The following EHMT2 variants were observed in gnomAD, a reference collection of about 807,000 sequenced individuals.
EHMT2 encodes the protein euchromatic histone lysine methyltransferase 2.
EHMT2 carries 59 observed loss-of-function variants against 143.3 expected under a neutral mutation model. The observed-to-expected ratio is 0.41, with a 90% confidence interval of 0.33 to 0.51. The LOEUF (loss-of-function observed/expected upper bound fraction) is 0.51, where lower values mean the gene tolerates loss of function less well. Ranked by LOEUF, EHMT2 falls within the 20% of genes least tolerant of loss-of-function variation. The pLI is 0.18. For synonymous variants in EHMT2, 604 were observed against 651.5 expected (o/e 0.93, Z 1.11); for missense variants, 1,174 against 1,645.9 (o/e 0.71, Z 4.96).
At chr6:31,879,904 T>G in exon 28 of EHMT2, 1 of 717,468 alleles carries the variant, frequency 1.4e-6, no homozygotes, top group Non-Finnish European at 2.2e-6. Flanking sequence ...GAACCAGCTC[T>G]GGGAGGGAGG....
intron 4 of EHMT2, chr6:31,896,024 G>A (rs995305174): frequency 4.3e-6 from 2 of 467,678 alleles, no homozygotes; most frequent in Middle Eastern, 5.4e-4. Context: ...GAGTAATTAA[G>A]ACATTAACTA....
rs1434170632 is a variant in EHMT2 at position 31,886,777 on chromosome 6, T to C, written c.2239A>G (p.Lys747Glu). 4 of 1,614,176 alleles carry C rather than the reference T, an allele frequency of 2.5e-6. No homozygotes were observed. The East Asian group carries it at 8.9e-5, about 36-fold the overall frequency. ...CGCCCTGCTGCCTGCGCGCACACCT[T>C]GCTATAGACACAGCCACCACGCTGC... Residue 747 changes from lysine to glutamate, a missense_variant and splice_region_variant, in exon 17 of 28, where the codon AAG becomes GAG. Physicochemically the swap from Lys to Glu is moderately conservative, Grantham distance 56 (BLOSUM62 1). This residue lies in a region of EHMT2 where 608 missense variants were observed against 903.7 expected (regional missense o/e 0.67). Coordinates refer to ENST00000375537, the Ensembl canonical transcript of EHMT2.
At chr6:31,896,897 T>C (rs2844456) in intron 2 of EHMT2, 26 bp downstream of exon 2, 68,291 of 1,610,470 alleles carry the variant, frequency 0.042, 1,962 homozygotes, top group Non-Finnish European at 0.053. Context: ...GACGGTCCAA[T>C]TGGGGCCCGT....
intron 4 of EHMT2, chr6:31,895,991 CCCTTA>C (rs1242242630): frequency 2.5e-6 from 1 of 393,726 alleles, no homozygotes; most frequent in East Asian, 3.9e-5. Flanking sequence ...GTTTGAAATT[CCCTTA>C]CCTTGTCATT....
In EHMT2 at chr6:31,881,279, G is replaced by C. The variant is rs1173592669; in HGVS notation, c.3198-187C>G. The C allele has an allele frequency of 3.1e-6, 2 of 646,952 alleles. No individual in the cohort carries two copies. Among genetic ancestry groups the C allele is most frequent in the Non-Finnish European group, 5.6e-6 (2 of 358,878 alleles). 40.1% of individuals were successfully genotyped at this position (646,952 alleles called of 1,614,324 possible). A position where few individuals can be genotyped will look rare whatever the true frequency, so the allele number is the denominator to read the frequency against. On this transcript the variant is annotated intron_variant, in intron 25 of 27. Transcript: ENST00000375537. This position sits in a 1 kb window ranked among gnomAD's most constrained non-coding sequence, Gnocchi z 4.8. Reference sequence around the variant, plus strand: ...CAGCATTCCAGCCTTGACAGAGGAAGCCTTCAGTCAGCACAGAGACAGACA... The same window carrying C: ...CAGCATTCCAGCCTTGACAGAGGAACCCTTCAGTCAGCACAGAGACAGACA...
chr6:31,896,397 T>G (rs1766441409), exon 4 of EHMT2: 2 of 1,613,016 alleles, frequency 1.2e-6, no homozygotes, highest in Non-Finnish European at 1.7e-6. Context: ...CTCAGTAGCC[T>G]CATAGCCAAA....
rs760777891 is a variant in EHMT2, at chr6:31,888,161, T to G, written c.1625A>C (p.Glu542Ala). 1 of 1,612,734 alleles carries G rather than the reference T, an allele frequency of 6.2e-7. No individual in the cohort carries two copies. The highest frequency in any genetic ancestry group is 1.1e-5 in the South Asian group (1 of 91,082). ...CCGGGGGATGGTCACCTCTTGAGCT[T>G]CAGAAGCATCCTCCCCACAGTGGGG... The change falls in exon 13 of 28, where the codon GAA (glutamate) becomes GCA (alanine). Residue 542 changes from glutamate to alanine, a missense_variant. Around this residue, in one of 6 missense-constraint regions of EHMT2, gnomAD observed 608 missense variants for 903.7 expected, o/e 0.67. Coordinates refer to ENST00000375537, the Ensembl canonical transcript of EHMT2. This position sits in a 1 kb window ranked among gnomAD's most constrained non-coding sequence, Gnocchi z 7.4.
chr6:31,887,515 C>A (rs1007561688), intron 15 of EHMT2, 62 bp downstream of exon 15: 1 of 1,457,466 alleles, frequency 6.9e-7, no homozygotes, highest in Non-Finnish European at 9.6e-7. Context: ...GGCCCTGTAC[C>A]CAGTGCCTGG....
intron 18 of EHMT2, 174 bp from the exon 19 acceptor site, chr6:31,885,190 T>A: frequency 2.3e-6 from 2 of 885,568 alleles, no homozygotes; most frequent in Non-Finnish European, 3.3e-6. Flanking sequence ...AAAATGGGAC[T>A]AGTAGGGTCG....
chr6:31,892,640 G>A, intron 6 of EHMT2, 54 bp downstream of exon 6: 2 of 1,612,730 alleles, frequency 1.2e-6, no homozygotes, highest in Non-Finnish European at 1.7e-6. Context: ...CCCCACCTCT[G>A]ACCCTCCCTC....
At chr6:31,882,671 A>G in intron 25 of EHMT2, 28 bp downstream of exon 25, 2 of 1,597,438 alleles carry the variant, frequency 1.3e-6, no homozygotes, top group Non-Finnish European at 1.7e-6. Context: ...CCTTCCCACC[A>G]GGTGTTAAGG....
At chr6:31,895,908 G>A in intron 4 of EHMT2, 1 of 222,218 alleles carries the variant, frequency 4.5e-6, no homozygotes, top group Non-Finnish European at 8.7e-6. Flanking sequence ...GGGATTCCCA[G>A]GAAAAACTTT....
At chr6:31,896,733 T>C in exon 3 of EHMT2, 1 of 1,612,930 alleles carries the variant, frequency 6.2e-7, no homozygotes, top group Non-Finnish European at 8.5e-7. Context: ...TGACAGAGGC[T>C]GGAGATGAGG....
At position 31,884,116 on chromosome 6, in the gene EHMT2, G is replaced by C; in HGVS notation, c.2772-166C>G. Reference sequence around the variant, plus strand: ...TTAACATAGAATTTTAGATAAACAAGAAATAGCTTTTTAGTATGTCCCAAA... The same window carrying C: ...TTAACATAGAATTTTAGATAAACAACAAATAGCTTTTTAGTATGTCCCAAA... On this transcript the variant is annotated intron_variant, in intron 21 of 27. Transcript: ENST00000375537. The surrounding 1 kb of genome is among the most constrained non-coding windows in gnomAD (Gnocchi z 7.3). 1 of 825,656 alleles carries C rather than the reference G, an allele frequency of 1.2e-6. No homozygotes were observed. Among genetic ancestry groups the C allele is most frequent in the Non-Finnish European group, 1.8e-6 (1 of 546,852 alleles). The allele number at this position is 825,656 out of a possible 1,614,324, so 51.1% of individuals were successfully genotyped here. A position where few individuals can be genotyped will look rare whatever the true frequency, so the allele number is the denominator to read the frequency against.
In EHMT2 at chr6:31,896,913, C is replaced by T. The variant is rs780530153; in HGVS notation, c.109+10G>A. The stretch of plus-strand genomic sequence containing the variant: ...ACGGTCCAATTGGGGCCCGTTTTAG[C>T]TGCACTCACCTCTCTCGGTGGCTCC... On this transcript the variant is annotated intron_variant, in intron 2 of 27. Transcript: ENST00000375537. 1 of 1,605,910 alleles carries T rather than the reference C, an allele frequency of 6.2e-7. No individual in the cohort carries two copies. The highest frequency in any genetic ancestry group is 1.1e-5 in the South Asian group (1 of 90,678).
chr6:31,896,570 T>C (rs1338839686), intron 3 of EHMT2, 36 bp downstream of exon 3: 1 of 1,595,044 alleles, frequency 6.3e-7, no homozygotes, highest in Admixed American at 1.7e-5. Flanking sequence ...GAGTCAGAAA[T>C]TTCCCACCAA....
chr6:31,897,088 G>A, intron 1 of EHMT2, 99 bp from the exon 2 acceptor site: 3 of 1,479,356 alleles, frequency 2.0e-6, no homozygotes, highest in Non-Finnish European at 2.7e-6. Context: ...AGGCTCCGGG[G>A]CCTACCTCTT....
Position 31,880,744 on chromosome 6 carries a change from C to A in EHMT2, c.3381G>T (p.Leu1127=), listed in dbSNP as rs777146137. 3 of 1,613,864 alleles carry A rather than the reference C, an allele frequency of 1.9e-6. No individual in the cohort carries two copies. The highest frequency in any genetic ancestry group is 2.5e-6 in the Non-Finnish European group (3 of 1,180,042). Residue 1127 remains leucine, a synonymous_variant, in exon 27 of 28, where the codon CTG becomes CTT. Coordinates refer to ENST00000375537, the Ensembl canonical transcript of EHMT2. The surrounding 1 kb of genome is among the most constrained non-coding windows in gnomAD (Gnocchi z 6.6). ...TGCGTGGAAATCGCAGGTCTTGGTG[C>A]AGCATGAAGACCCGGACGGGAATGA...
rs1417715413 is a variant in EHMT2, at chr6:31,888,841, G to A, written c.1217-94C>T. On this transcript the variant is annotated intron_variant, in intron 10 of 27. Coordinates refer to ENST00000375537, the Ensembl canonical transcript of EHMT2. The surrounding 1 kb of genome is among the most constrained non-coding windows in gnomAD (Gnocchi z 7.4). ...TCTCACTCCCTCCCTACCCCACCCC[G>A]CCATGCCCCAGAACCCCTAAAGCCT... 1.1e-5 allele frequency: 14 copies of A among 1,228,862 alleles called. No individual in the cohort carries two copies. Among genetic ancestry groups the A allele is most frequent in the Middle Eastern group, 3.1e-4 (1 of 3,272 alleles). 76.1% of individuals were successfully genotyped at this position (1,228,862 alleles called of 1,614,324 possible).
Sources: allele counts gnomAD v4.1 joint callset, GRCh38; gene constraint gnomAD v4.1.1; regional missense constraint gnomAD v4.1.1; non-coding constraint Gnocchi (gnomAD v3.1); transcripts MANE v1.5; gene names NCBI Gene and HGNC (gene_info 2026-07-23, HGNC 2026-07-21).